CLCN6: variants seen among roughly 807,000 people sequenced by gnomAD.
The protein encoded by CLCN6 is H(+)/Cl(-) exchange transporter 6.
Under a neutral mutation model 109.8 loss-of-function variants are expected in CLCN6, and 70 were observed. The ratio of observed to expected loss-of-function variants is 0.64; its 90% CI spans 0.53 to 0.78. The LOEUF is 0.78. Ranked by LOEUF, CLCN6 falls within the 30% of genes least tolerant of loss-of-function variation. The pLI, the probability that CLCN6 is intolerant of heterozygous loss-of-function variation, is 0.00. For synonymous variants in CLCN6, 444 were observed against 447.8 expected, an observed-to-expected ratio of 0.99 and a Z score of 0.11; for missense variants, 984 against 1,142.3, an observed-to-expected ratio of 0.86 and a Z score of 2.00.
intron 13 of CLCN6, among the ~76,000 whole-genome samples, chr1:11,832,661 C>T (rs1482965790): frequency 6.6e-6 from 1 of 152,242 alleles, no homozygotes; most frequent in Admixed American, 6.5e-5. Flanking sequence ...ATGGCATCTC[C>T]ACAGCTGTGT....
At chr1:11,807,476 G>C (rs1366770184) in intron 2 of CLCN6, among the ~76,000 whole-genome samples, 3 of 152,236 alleles carry the variant, frequency 2.0e-5, no homozygotes, top group Admixed American at 1.3e-4. Context: ...CTTACAGAGA[G>C]ACTTAGAGTG....
At chr1:11,815,752 A>T in intron 2 of CLCN6, 94 bp from the exon 3 acceptor site, 1 of 913,184 alleles carries the variant, frequency 1.1e-6, no homozygotes, top group South Asian at 1.5e-5. Flanking sequence ...TGCTCTGCCC[A>T]TCCACACGTT....
chr1:11,827,355 C>G (rs1644826190), intron 10 of CLCN6, 134 bp downstream of exon 10: 1 of 846,178 alleles, frequency 1.2e-6, no homozygotes, highest in Non-Finnish European at 1.8e-6. Context: ...TCCTCTTGTG[C>G]CCATAACCTC....
chr1:11,815,832 T>C lies in CLCN6; in HGVS notation c.148-14T>C. On this transcript the variant is annotated splice_polypyrimidine_tract_variant and intron_variant, in intron 2 of 22. Coordinates refer to ENST00000346436, the MANE Select transcript of CLCN6 (RefSeq NM_001286.5). ...CCTGACATGACCTTTTGACTCAACT[T>C]TGCCTCTTTTCAGAGTTTGGATTAT... is the stretch of plus-strand genomic sequence containing the variant. The C allele has an allele frequency of 3.1e-6, 5 of 1,611,864 alleles. No individual in the cohort carries two copies. Among genetic ancestry groups the C allele is most frequent in the Non-Finnish European group, 4.2e-6 (5 of 1,178,312 alleles).
Position 11,807,209 on chromosome 1 carries a change from G to C in CLCN6, c.147+19G>C. On this transcript the variant is annotated intron_variant, in intron 2 of 22. Transcript: ENST00000346436. Reference sequence around the variant, plus strand: ...CTATGAGGTGAGCTCCTTTGATACTGCTTGGGCAACTAAAGTAGTGAGTGG... The same window carrying C: ...CTATGAGGTGAGCTCCTTTGATACTCCTTGGGCAACTAAAGTAGTGAGTGG... 1 of 1,609,904 alleles carries C rather than the reference G, an allele frequency of 6.2e-7. No homozygotes were observed. Among genetic ancestry groups the C allele is most frequent in the Non-Finnish European group, 8.5e-7 (1 of 1,176,186 alleles).
At chr1:11,823,055 T>C (rs1183463735) in intron 6 of CLCN6, among the ~76,000 whole-genome samples, 4 of 152,202 alleles carry the variant, frequency 2.6e-5, no homozygotes, top group African/African-American at 9.6e-5. Context: ...AAAACAAAAC[T>C]GTTGGGTGCC....
intron 1 of CLCN6, chr1:11,806,622 T>G (rs1450049973): frequency 2.2e-6 from 1 of 448,370 alleles, no homozygotes; most frequent in Non-Finnish European, 3.9e-6. Flanking sequence ...GAAAAGAGTT[T>G]GGAATGAAAC....
chr1:11,840,040 G>C, intron 22 of CLCN6, 103 bp from the exon 23 acceptor site: 2 of 919,684 alleles, frequency 2.2e-6, no homozygotes, highest in East Asian at 2.4e-5. Context: ...CACTATCCAG[G>C]CCTCCACATT....
intron 2 of CLCN6, among the ~76,000 whole-genome samples, chr1:11,807,444 A>T (rs1406654250): frequency 6.6e-6 from 1 of 152,220 alleles, no homozygotes; most frequent in Non-Finnish European, 1.5e-5. Flanking sequence ...TGTATTTGCC[A>T]TTAAACTGTT....
At chr1:11,812,664 TTGTGTGTGTGTGTGTG>T (rs61487985) in intron 2 of CLCN6, among the ~76,000 whole-genome samples, 131 of 127,018 alleles carry the variant, frequency 1.0e-3, no homozygotes, top group African/African-American at 2.9e-3. Context: ...CAAAGTATGT[TTGTGTGTGTGTGTGTG>T]TGTGTGTGTG....
At chr1:11,838,938 C>T (rs755929731) in intron 22 of CLCN6, 30 of 716,594 alleles carry the variant, frequency 4.2e-5, no homozygotes, top group South Asian at 3.4e-4. Context: ...CTCTTCACTC[C>T]GTACCACTGG....
chr1:11,839,799 G>A (rs1644996487), intron 22 of CLCN6, among the ~76,000 whole-genome samples: 1 of 152,218 alleles, frequency 6.6e-6, no homozygotes, highest in African/African-American at 2.4e-5. Flanking sequence ...TGAGTATGAG[G>A]CATGGCAGGG....
intron 5 of CLCN6, among the ~76,000 whole-genome samples, chr1:11,821,549 C>G (rs879656383): frequency 3.9e-5 from 6 of 152,138 alleles, no homozygotes; most frequent in Non-Finnish European, 7.4e-5. Flanking sequence ...GAATGAGACT[C>G]TGATTCAGAA....
intron 4 of CLCN6, among the ~76,000 whole-genome samples, chr1:11,818,420 T>C (rs549464515): frequency 6.6e-6 from 1 of 151,364 alleles, no homozygotes; most frequent in South Asian, 2.1e-4. Context: ...AATGTAGATA[T>C]TCGAAAAAAA....
chr1:11,840,371 G>T lies in CLCN6; in HGVS notation c.*148G>T. Reference sequence around the variant, plus strand: ...GCCGGGAGTCATCGGACACCTTGCTGGTCAGAGGTCCTGGGGGTGGTTTTG... The same window carrying T: ...GCCGGGAGTCATCGGACACCTTGCTTGTCAGAGGTCCTGGGGGTGGTTTTG... On this transcript the variant is annotated 3_prime_UTR_variant, in exon 23 of 23. Transcript: ENST00000346436. The T allele has an allele frequency of 1.4e-6, 1 of 721,018 alleles. No individual in the cohort carries two copies. Among genetic ancestry groups the T allele is most frequent in the Non-Finnish European group, 2.4e-6 (1 of 409,854 alleles). The allele number at this position is 721,018 out of a possible 1,614,324, so 44.7% of individuals were successfully genotyped here.
Position 11,841,669 on chromosome 1 carries a change from C to G in CLCN6, c.*1446C>G, listed in dbSNP as rs1645025694. The G allele has an allele frequency of 6.6e-6, 1 of 152,256 alleles. No homozygotes were observed. Among genetic ancestry groups the G allele is most frequent in the Non-Finnish European group, 1.5e-5 (1 of 68,056 alleles). The allele number at this position is 152,256 out of a possible 1,614,324, so 9.4% of individuals were successfully genotyped here. A position where few individuals can be genotyped will look rare whatever the true frequency, so the allele number is the denominator to read the frequency against. On this transcript the variant is annotated 3_prime_UTR_variant, in exon 23 of 23. Coordinates refer to ENST00000346436, the MANE Select transcript of CLCN6 (RefSeq NM_001286.5). ...GCCCTGGCAGCACAGCTCTCAGGCC[C>G]AGCCCTGGGCGACCTCCTTGGCCAA...
In CLCN6 at chr1:11,834,074, GCA is replaced by G. The variant is rs1471069555; in HGVS notation, c.1526+46_1526+47del. 1.2e-6 allele frequency: 2 copies of G among 1,606,052 alleles called. No individual in the cohort carries two copies. Among genetic ancestry groups the G allele is most frequent in the African/African-American group, 2.7e-5 (2 of 74,542 alleles). The stretch of plus-strand genomic sequence containing the variant: ...TGTGTGTGCGCATGTGCATGTGTGT[GCA>G]CGTGTGCGTGTGTATGCATGTGTGT... On this transcript the variant is annotated intron_variant, in intron 15 of 22. Transcript: ENST00000346436. The surrounding 1 kb of genome is among the most constrained non-coding windows in gnomAD (Gnocchi z 4.5).
At chr1:11,829,496 C>T (rs937961175) in intron 13 of CLCN6, among the ~76,000 whole-genome samples, 174 bp downstream of exon 13, 4 of 152,238 alleles carry the variant, frequency 2.6e-5, no homozygotes, top group African/African-American at 9.6e-5. Flanking sequence ...AGAGAAAGTG[C>T]ACACCACATG....
At chr1:11,835,894 G>A in intron 17 of CLCN6, 73 bp from the exon 18 acceptor site, 1 of 1,440,280 alleles carries the variant, frequency 6.9e-7, no homozygotes, top group East Asian at 2.4e-5. Context: ...CAGGGCTGGA[G>A]AGCCAGCACA....
Sources: gnomAD v4.1 joint callset for allele counts (sites outside exome capture counted in the v4.1 genomes callset) on GRCh38, gnomAD v4.1.1 for gene constraint, Gnocchi (gnomAD v3.1) non-coding constraint, MANE v1.5 for transcripts, NCBI Gene and HGNC (gene_info 2026-07-23, HGNC 2026-07-21) for gene names.